The following ZNF248 variants were observed in gnomAD, a reference collection of about 807,000 sequenced individuals.
ZNF248 encodes the protein KRAB protein domain.
A neutral mutation model predicts 44.3 loss-of-function variants in ZNF248; 20 were observed. The ratio of observed to expected loss-of-function variants is 0.45; its 90% CI spans 0.32 to 0.66. The LOEUF is 0.66. ZNF248 is among the 30% of genes least tolerant of loss of function. ZNF248 has a pLI of 0.04. For missense variants in ZNF248, 654 were observed against 677.0 expected (o/e 0.97, Z 0.38); for synonymous variants, 224 against 229.0 (o/e 0.98, Z 0.20).
At chr10:37,777,403 T>C (rs1471599292) in intron 6 of ZNF248, among the ~76,000 whole-genome samples, 1 of 152,204 alleles carries the variant, frequency 6.6e-6, no homozygotes, top group Non-Finnish European at 1.5e-5. Flanking sequence ...GCTTCCTTTC[T>C]GATTTCCTCC....
rs114885279 is a variant in ZNF248, at chr10:37,851,242, C to T, written c.15+5054G>A. ...TGCCTAAAAGCAGGACATGGATTTACGAAGACAAAAGGTATCCTTGCCTCC... is the reference window on the plus strand; with the variant it reads ...TGCCTAAAAGCAGGACATGGATTTATGAAGACAAAAGGTATCCTTGCCTCC... On this transcript the variant is annotated intron_variant, in intron 3 of 5. Coordinates refer to ENST00000395867, the MANE Select transcript of ZNF248 (RefSeq NM_021045.3). Among the ~76,000 whole-genome samples the T allele has an allele frequency of 6.1e-3, 927 of 152,210 alleles. 10 individuals carry two copies. The highest frequency in any genetic ancestry group is 0.021 in the African/African-American group (886 of 41,526).
At chr10:37,768,364 C>G in the ZNF248 span, among the ~76,000 whole-genome samples, 2 of 152,186 alleles carry the variant, frequency 1.3e-5, no homozygotes, top group East Asian at 1.9e-4. Context: ...TGACCACATA[C>G]TTGGAAGTAA....
intron 5 of ZNF248, among the ~76,000 whole-genome samples, chr10:37,833,812 T>TG (rs2056508327): frequency 6.6e-6 from 1 of 152,004 alleles, no homozygotes; most frequent in Non-Finnish European, 1.5e-5. Flanking sequence ...AAACAGGAGA[T>TG]GGAGATATTC....
intron 6 of ZNF248, among the ~76,000 whole-genome samples, chr10:37,791,332 G>A (rs750842559): frequency 6.6e-6 from 1 of 151,982 alleles, no homozygotes; most frequent in Non-Finnish European, 1.5e-5. Context: ...GTGAGCCACC[G>A]TGCCCGGCCT....
At chr10:37,846,267 C>T (rs758484208) in intron 3 of ZNF248, among the ~76,000 whole-genome samples, 1 of 152,124 alleles carries the variant, frequency 6.6e-6, no homozygotes, top group Non-Finnish European at 1.5e-5. Flanking sequence ...TTATAGAATT[C>T]GAATTTCACC....
intron 5 of ZNF248, among the ~76,000 whole-genome samples, chr10:37,834,942 T>C (rs2056804820): frequency 6.6e-6 from 1 of 152,162 alleles, no homozygotes; most frequent in Non-Finnish European, 1.5e-5. Context: ...GCTACACTAT[T>C]ATAGTCATTG....
chr10:37,819,578 T>A (rs2053123915), intron 6 of ZNF248: 1 of 891,698 alleles, frequency 1.1e-6, no homozygotes. Flanking sequence ...TTGTGAGTTA[T>A]CTTCATTATG....
At chr10:37,766,898 A>C in the ZNF248 span, among the ~76,000 whole-genome samples, 2 of 152,194 alleles carry the variant, frequency 1.3e-5, no homozygotes, top group African/African-American at 4.8e-5. Flanking sequence ...CGAATGGATA[A>C]CTAGAATAAC....
chr10:37,780,863 G>A (rs969965499), intron 6 of ZNF248, among the ~76,000 whole-genome samples: 2 of 152,114 alleles, frequency 1.3e-5, no homozygotes, highest in Non-Finnish European at 2.9e-5. Context: ...ATCCGCTCCC[G>A]GAGTGGTGTA....
At chr10:37,791,051 T>TC (rs2048485321) in intron 6 of ZNF248, among the ~76,000 whole-genome samples, 1 of 106,812 alleles carries the variant, frequency 9.4e-6, no homozygotes, top group African/African-American at 3.7e-5. Flanking sequence ...TCTTTTTTTT[T>TC]TTTTTTTTTT....
intron 6 of ZNF248, among the ~76,000 whole-genome samples, chr10:37,809,286 A>G (rs910676008): frequency 6.6e-6 from 1 of 150,462 alleles, no homozygotes; most frequent in African/African-American, 2.5e-5. Flanking sequence ...TTTATTGTTT[A>G]TTTATTTTTG....
At chr10:37,781,018 G>A (rs1004450418) in intron 6 of ZNF248, among the ~76,000 whole-genome samples, 1 of 152,154 alleles carries the variant, frequency 6.6e-6, no homozygotes, top group African/African-American at 2.4e-5. Context: ...CGTGAACTGC[G>A]GGGATATGAT....
In ZNF248 at chr10:37,837,395, G is replaced by A. The variant is rs571948612; in HGVS notation, c.238+222C>T. On this transcript the variant is annotated intron_variant, in intron 5 of 5. Coordinates refer to ENST00000395867, the MANE Select transcript of ZNF248 (RefSeq NM_021045.3). ...CCCAAAGTGCTGGGATTACAGGCGT[G>A]AGCCACCGCACCCAGCCAAGAAAAG... 1.2e-4 allele frequency among the ~76,000 whole-genome samples: 19 copies of A among 152,316 alleles called. No homozygotes were observed. In the South Asian group the frequency reaches 3.7e-3, roughly 30 times the overall value.
At chr10:37,799,356 C>G (rs1010445085) in intron 6 of ZNF248, among the ~76,000 whole-genome samples, 1 of 152,014 alleles carries the variant, frequency 6.6e-6, no homozygotes, top group Non-Finnish European at 1.5e-5. Flanking sequence ...GTCAAGAGAT[C>G]GAGACCATCC....
chr10:37,824,740 G>A (rs183547036), downstream of ZNF248, among the ~76,000 whole-genome samples: 2 of 131,442 alleles, frequency 1.5e-5, no homozygotes, highest in East Asian at 2.3e-4. Flanking sequence ...GGAGTGGAGC[G>A]GCGCGATCTC....
intron 6 of ZNF248, chr10:37,803,586 C>T (rs994110551): frequency 6.6e-6 from 1 of 152,324 alleles, no homozygotes; most frequent in Non-Finnish European, 1.5e-5. Context: ...CTTTTCCACT[C>T]TGCTCTGAGG....
rs1045117108 is a variant in ZNF248 at position 37,829,293 on chromosome 10, G to A, written c.*2322C>T. On this transcript the variant is annotated 3_prime_UTR_variant, in exon 6 of 6. Transcript: ENST00000395867. ...CTCAGAATGGCAATGGCTTCCTGCT[G>A]ATACAAGTCTCTGGGTGTTTCACTG... 1.0e-6 allele frequency: 1 copy of A among 985,382 alleles called. No individual in the cohort carries two copies. The allele number at this position is 985,382 out of a possible 1,614,324, so 61.0% of individuals were successfully genotyped here. A position where few individuals can be genotyped will look rare whatever the true frequency, so the allele number is the denominator to read the frequency against.
intron 6 of ZNF248, among the ~76,000 whole-genome samples, chr10:37,793,055 C>T (rs898360781): frequency 1.7e-4 from 26 of 151,992 alleles, no homozygotes; most frequent in Admixed American, 7.9e-4. Flanking sequence ...AAATATTGGC[C>T]GGGCGCGGTG....
chr10:37,801,448 G>A (rs1366757356), intron 6 of ZNF248, among the ~76,000 whole-genome samples: 1 of 151,634 alleles, frequency 6.6e-6, no homozygotes, highest in East Asian at 1.9e-4. Context: ...AAAATCAACA[G>A]ATCAGCCTAG....
Sources: gnomAD v4.1 joint callset for allele counts (sites outside exome capture counted in the v4.1 genomes callset) on GRCh38, gnomAD v4.1.1 for gene constraint, MANE v1.5 for transcripts, NCBI Gene and HGNC (gene_info 2026-07-23, HGNC 2026-07-21) for gene names.